DNAJC2: variants seen among roughly 807,000 people sequenced by gnomAD.
DNAJC2 encodes dnaJ homolog subfamily C member 2.
DNAJC2 carries 32 observed loss-of-function variants against 94.0 expected under a neutral mutation model. That is an observed-to-expected ratio of 0.34 (90% confidence interval 0.26 to 0.46). The LOEUF is 0.46. Ranked by LOEUF, DNAJC2 falls within the 20% of genes least tolerant of loss-of-function variation. The pLI, the probability that DNAJC2 is intolerant of heterozygous loss-of-function variation, is 1.00. For synonymous variants in DNAJC2, 210 were observed against 229.7 expected (o/e 0.91, Z 0.77); for missense variants, 550 against 719.5 (o/e 0.76, Z 2.69).
chr7:103,314,013 A>G, intron 15 of DNAJC2: 1 of 985,394 alleles, frequency 1.0e-6, no homozygotes, highest in African/African-American at 1.7e-5. Flanking sequence ...TTCCTTCCCA[A>G]TTAAAGAAGG....
At position 103,314,144 on chromosome 7, in the gene DNAJC2, A is replaced by G. The variant is rs79318652; in HGVS notation, c.1637-1043T>C. On this transcript the variant is annotated intron_variant, in intron 15 of 16. Coordinates refer to ENST00000379263, the MANE Select transcript of DNAJC2 (RefSeq NM_014377.3). Reference sequence around the variant, plus strand: ...TTTTTGAAGGTAGCTTTTAAGTTCTAGGAAGTCTTTTGTTGAATTTCCTTG... The same window carrying G: ...TTTTTGAAGGTAGCTTTTAAGTTCTGGGAAGTCTTTTGTTGAATTTCCTTG... 2,036 of 985,438 alleles carry G rather than the reference A, an allele frequency of 2.1e-3. 132 individuals carry two copies. In the East Asian group the frequency reaches 0.14, roughly 68 times the overall value. The allele number at this position is 985,438 out of a possible 1,614,324, so 61.0% of individuals were successfully genotyped here.
chr7:103,334,043 C>T (rs546322397), intron 3 of DNAJC2, among the ~76,000 whole-genome samples: 11 of 151,922 alleles, frequency 7.2e-5, no homozygotes, highest in East Asian at 3.9e-4. Flanking sequence ...CTCCACCTCC[C>T]GGGTTCACGC....
At chr7:103,342,085 G>A (rs181350476) in intron 1 of DNAJC2, 131 bp from the exon 2 acceptor site, 105 of 565,976 alleles carry the variant, frequency 1.9e-4, no homozygotes, top group Middle Eastern at 3.2e-4. Context: ...CACCGACTAC[G>A]AAAATAATTG....
Position 103,333,543 on chromosome 7 carries a change from GCATT to G in DNAJC2, c.331+4189_331+4192del, listed in dbSNP as rs1296076376. Among the ~76,000 whole-genome samples, 7 of 152,286 alleles carry G rather than the reference GCATT, an allele frequency of 4.6e-5. No individual in the cohort carries two copies. The East Asian group carries it at 1.3e-3, about 29-fold the overall frequency. ...GATAAAATAAATGCCCAGATTTTAA[GCATT>G]CATTAAGTTCAGTGAGTTCTGACAA... On this transcript the variant is annotated intron_variant, in intron 3 of 16. Transcript: ENST00000379263.
intron 13 of DNAJC2, 27 bp from the exon 14 acceptor site, chr7:103,316,115 TGA>T: frequency 2.1e-6 from 3 of 1,413,006 alleles, no homozygotes; most frequent in Non-Finnish European, 2.9e-6. Flanking sequence ...TACAATAATA[TGA>T]ATAGTAGTAA....
chr7:103,313,765 A>G (rs1180705625), intron 15 of DNAJC2: 5 of 985,064 alleles, frequency 5.1e-6, no homozygotes, highest in East Asian at 1.1e-4. Context: ...AACATCTAAG[A>G]TGTGTGTCAG....
At chr7:103,317,508 T>C (rs1170141732) in intron 12 of DNAJC2, among the ~76,000 whole-genome samples, 1 of 152,226 alleles carries the variant, frequency 6.6e-6, no homozygotes, top group East Asian at 1.9e-4. Flanking sequence ...TTTGCCCTTG[T>C]TGCTTCTGTC....
chr7:103,312,877 T>A, intron 16 of DNAJC2, 70 bp downstream of exon 16: 1 of 1,555,946 alleles, frequency 6.4e-7, no homozygotes, highest in South Asian at 1.3e-5. Context: ...TTAATAGACA[T>A]AAAATATGAG....
chr7:103,329,395 G>A (rs891262591), intron 3 of DNAJC2: 2 of 153,204 alleles, frequency 1.3e-5, no homozygotes, highest in African/African-American at 2.4e-5. Flanking sequence ...CTCAGCCTGC[G>A]TCTGTATGCT....
intron 15 of DNAJC2, 175 bp from the exon 16 acceptor site, chr7:103,313,276 T>G (rs751941395): frequency 2.0e-5 from 27 of 1,341,016 alleles, no homozygotes; most frequent in Non-Finnish European, 2.4e-5. Context: ...AGAGAAAAAA[T>G]TTCAGATAGC....
At chr7:103,328,831 A>G (rs1322564412) in intron 3 of DNAJC2, 2 of 308,558 alleles carry the variant, frequency 6.5e-6, no homozygotes, top group Non-Finnish European at 1.2e-5. Flanking sequence ...CTACTGTTGG[A>G]CATTTGTGCC....
At chr7:103,314,216 G>C (rs1166631605) in intron 15 of DNAJC2, 1 of 985,170 alleles carries the variant, frequency 1.0e-6, no homozygotes, top group Non-Finnish European at 1.2e-6. Flanking sequence ...TCCTCTCTTG[G>C]AAAAAAGATG....
chr7:103,316,948 A>G lies in DNAJC2; in HGVS notation c.1309T>C (p.Ser437Pro). 1 of 1,613,940 alleles carries G rather than the reference A, an allele frequency of 6.2e-7. No homozygotes were observed. Residue 437 changes from serine (S) to proline (P), a missense_variant, in exon 13 of 17, where the codon TCT becomes CCT. By Grantham distance (74) the Ser-to-Pro change is moderately conservative. Coordinates refer to ENST00000379263, the MANE Select transcript of DNAJC2 (RefSeq NM_014377.3). ...CCAGTTGATTTCTCTGTGTTCTTAG[A>G]TGCTTGTCGCATACGAGCCTCAGCT... The part of the protein sequence containing the change: ...EEAEARMRQA[S>P]KNTEKSTGGG...
At chr7:103,338,045 T>G (rs1819242328) in intron 2 of DNAJC2, among the ~76,000 whole-genome samples, 1 of 152,088 alleles carries the variant, frequency 6.6e-6, no homozygotes, top group South Asian at 2.1e-4. Context: ...GGTGGAGGAT[T>G]GCTTGAGCCC....
At chr7:103,327,491 C>A in intron 4 of DNAJC2, 165 bp downstream of exon 4, 2 of 681,496 alleles carry the variant, frequency 2.9e-6, no homozygotes, top group Admixed American at 2.7e-5. Flanking sequence ...CACTTTGTGT[C>A]GTGAGGCTCT....
intron 10 of DNAJC2, 67 bp downstream of exon 10, chr7:103,321,861 CAAAA>C (rs1175270008): frequency 6.6e-7 from 1 of 1,524,938 alleles, no homozygotes; most frequent in Non-Finnish European, 8.9e-7. Context: ...AACAAACAAA[CAAAA>C]AGAAGTATTT....
intron 7 of DNAJC2, among the ~76,000 whole-genome samples, chr7:103,323,144 G>A (rs914388370): frequency 2.6e-5 from 4 of 152,108 alleles, no homozygotes; most frequent in Admixed American, 6.6e-5. Flanking sequence ...TGGCCAGGCT[G>A]GTCTCGCACT....
intron 15 of DNAJC2, chr7:103,314,460 C>T (rs1315319715): frequency 1.5e-5 from 15 of 985,260 alleles, no homozygotes; most frequent in Non-Finnish European, 1.8e-5. Flanking sequence ...AGGGTCACCT[C>T]TCCTCACAGA....
rs1056725943 is a variant in DNAJC2, at chr7:103,337,906, G to C, written c.256-95C>G. The C allele has an allele frequency of 2.5e-5, 22 of 884,038 alleles. No homozygotes were observed. In the Admixed American group the frequency reaches 4.8e-4, roughly 19 times the overall value. 54.8% of individuals were successfully genotyped at this position (884,038 alleles called of 1,614,324 possible). A position where few individuals can be genotyped will look rare whatever the true frequency, so the allele number is the denominator to read the frequency against. On this transcript the variant is annotated intron_variant, in intron 2 of 16. Coordinates refer to ENST00000379263, the MANE Select transcript of DNAJC2 (RefSeq NM_014377.3). The stretch of plus-strand genomic sequence containing the variant: ...TACCTTAATAAGCATTTCCCAAAGT[G>C]ACATTTCATCAGGAGTCCAGTAAGA...
Sources: allele counts gnomAD v4.1 joint callset (sites outside exome capture counted in the v4.1 genomes callset), GRCh38; gene constraint gnomAD v4.1.1; transcripts MANE v1.5; gene names NCBI Gene and HGNC (gene_info 2026-07-23, HGNC 2026-07-21).